ADGRV1: variants seen among roughly 807,000 people sequenced by gnomAD.
ADGRV1 encodes the protein G-protein coupled receptor 98.
In ADGRV1, 359 loss-of-function variants were observed where a neutral mutation model predicts 596.2. The ratio of observed to expected loss-of-function variants is 0.60; its 90% CI spans 0.55 to 0.66. The LOEUF (loss-of-function observed/expected upper bound fraction) is 0.66. Ranked by LOEUF, ADGRV1 falls within the 30% of genes least tolerant of loss-of-function variation. The pLI is 0.00. For synonymous variants in ADGRV1, 2,681 were observed against 2,679.2 expected, an observed-to-expected ratio of 1.00 and a Z score of -0.02; for missense variants, 7,274 against 7,575.6, an observed-to-expected ratio of 0.96 and a Z score of 1.48.
At chr5:90,663,644 T>C (rs987436724) in intron 21 of ADGRV1, among the ~76,000 whole-genome samples, 6 of 152,240 alleles carry the variant, frequency 3.9e-5, no homozygotes, top group African/African-American at 9.6e-5. Flanking sequence ...ATTTTGTCTT[T>C]TGTTGCCATT....
intron 10 of ADGRV1, among the ~76,000 whole-genome samples, chr5:90,637,345 A>T: frequency 6.6e-6 from 1 of 151,966 alleles, no homozygotes; most frequent in East Asian, 1.9e-4. Flanking sequence ...TTATATTGTG[A>T]TAGTAAGTTC....
At chr5:90,721,143 T>C in intron 45 of ADGRV1, 84 bp downstream of exon 45, 7 of 1,170,622 alleles carry the variant, frequency 6.0e-6, no homozygotes, top group Non-Finnish European at 7.2e-6. Context: ...CTTTGAATTG[T>C]ATGTTATTGA....
intron 83 of ADGRV1, among the ~76,000 whole-genome samples, chr5:90,960,078 G>C (rs1312613310): frequency 6.6e-6 from 1 of 150,766 alleles, no homozygotes; most frequent in Admixed American, 6.6e-5. Flanking sequence ...GGTGGAGCTT[G>C]CAGTGAGCCG....
intron 83 of ADGRV1, among the ~76,000 whole-genome samples, chr5:90,895,999 C>G (rs988325411): frequency 1.3e-5 from 2 of 151,276 alleles, no homozygotes; most frequent in Non-Finnish European, 2.9e-5. Context: ...AATGGGGGTG[C>G]AGATAAGTGC....
At chr5:90,765,402 A>T (rs1277217894) in intron 59 of ADGRV1, among the ~76,000 whole-genome samples, 2 of 151,176 alleles carry the variant, frequency 1.3e-5, no homozygotes, top group Non-Finnish European at 2.9e-5. Flanking sequence ...GGAAATCCAT[A>T]TGCATGATGG....
At chr5:90,595,639 G>A (rs1445538247) in intron 1 of ADGRV1, among the ~76,000 whole-genome samples, 1 of 127,582 alleles carries the variant, frequency 7.8e-6, no homozygotes, top group Non-Finnish European at 1.7e-5. Context: ...CCTCCCGGAC[G>A]GGGCGGCTGG....
At position 90,628,775 on chromosome 5, in the gene ADGRV1, A is replaced by G; in HGVS notation, c.1452A>G (p.Leu484=). ...DDLPEEAEAY[L]LQILPHTIRG... is the part of the protein sequence containing the mutation. ...TTCCAGAAGAGGCAGAAGCTTATCT[A>G]CTTCAAATTCTGCCTCATACAATAC... The change falls in exon 8 of 90, where the codon CTA becomes CTG. Residue 484 remains leucine (L), a synonymous_variant. Transcript: ENST00000405460. The G allele has an allele frequency of 1.2e-6, 2 of 1,613,998 alleles. No individual in the cohort carries two copies. Among genetic ancestry groups the G allele is most frequent in the Non-Finnish European group, 1.7e-6 (2 of 1,179,864 alleles).
At chr5:90,802,098 TC>T (rs1761437736) in intron 70 of ADGRV1, among the ~76,000 whole-genome samples, 1 of 152,242 alleles carries the variant, frequency 6.6e-6, no homozygotes, top group Admixed American at 6.5e-5. Flanking sequence ...CCTTCCGTTT[TC>T]TTGATACTTG....
intron 43 of ADGRV1, among the ~76,000 whole-genome samples, chr5:90,718,760 T>C (rs528146251): frequency 6.6e-6 from 1 of 152,132 alleles, no homozygotes; most frequent in Non-Finnish European, 1.5e-5. Context: ...TTCATGTTTT[T>C]TCATCTTTAA....
At chr5:91,083,409 T>A (rs1789589038) in intron 86 of ADGRV1, among the ~76,000 whole-genome samples, 2 of 152,062 alleles carry the variant, frequency 1.3e-5, no homozygotes, top group African/African-American at 4.8e-5. Context: ...AGAAAAAAAA[T>A]TAATGGTTAG....
intron 83 of ADGRV1, among the ~76,000 whole-genome samples, chr5:90,945,783 T>A (rs189549867): frequency 6.6e-6 from 1 of 152,118 alleles, no homozygotes; most frequent in East Asian, 1.9e-4. Context: ...CCCAGGAGAT[T>A]GAGAAGAGCA....
chr5:90,643,715 T>C, intron 13 of ADGRV1, 88 bp from the exon 14 acceptor site: 1 of 972,648 alleles, frequency 1.0e-6, no homozygotes, highest in Admixed American at 2.7e-5. Context: ...AAACTTTGAG[T>C]ATATTAATAT....
Position 90,810,992 on chromosome 5 carries a change from T to C in ADGRV1, c.15732T>C (p.Leu5244=). ...KNGTFNTAEV[L]IRRTGGFTGN... ...GCACATTCAACACTGCAGAAGTTCT[T>C]ATCCGAAGAACTGGTGGGTTTACTG... The change falls in exon 74 of 90, where the codon CTT becomes CTC. Residue 5244 remains leucine (L), a synonymous_variant. Coordinates refer to ENST00000405460, the MANE Select transcript of ADGRV1 (RefSeq NM_032119.4). 2 of 1,614,016 alleles carry C rather than the reference T, an allele frequency of 1.2e-6. No homozygotes were observed. Among genetic ancestry groups the C allele is most frequent in the South Asian group, 2.2e-5 (2 of 91,084 alleles).
At chr5:91,080,606 A>G (rs912398249) in intron 86 of ADGRV1, among the ~76,000 whole-genome samples, 2 of 151,506 alleles carry the variant, frequency 1.3e-5, no homozygotes, top group African/African-American at 4.8e-5. Flanking sequence ...AAAAAAAAAA[A>G]AAAAACTTGA....
intron 53 of ADGRV1, among the ~76,000 whole-genome samples, chr5:90,751,858 A>G (rs1035523417): frequency 6.6e-6 from 1 of 152,214 alleles, no homozygotes; most frequent in Non-Finnish European, 1.5e-5. Flanking sequence ...ACTTTAGGTA[A>G]GCTACCAGAA....
chr5:90,965,275 A>G, intron 83 of ADGRV1, 140 bp from the exon 84 acceptor site: 1 of 616,176 alleles, frequency 1.6e-6, no homozygotes, highest in Non-Finnish European at 2.9e-6. Flanking sequence ...ACTCTTAGTC[A>G]TATCAGTTTG....
intron 1 of ADGRV1, among the ~76,000 whole-genome samples, chr5:90,593,254 T>C (rs1023099586): frequency 2.0e-5 from 3 of 152,050 alleles, no homozygotes; most frequent in Non-Finnish European, 4.4e-5. Context: ...ATATACGCCA[T>C]GGAATATTAT....
chr5:90,742,114 G>A (rs1224838616), intron 50 of ADGRV1, among the ~76,000 whole-genome samples: 1 of 152,276 alleles, frequency 6.6e-6, no homozygotes. Context: ...GGGGAAACAA[G>A]GGTAAGCAAA....
chr5:90,617,889 T>C lies in ADGRV1; in HGVS notation c.293T>C (p.Ile98Thr). The change falls in exon 3 of 90, where the codon ATA (isoleucine) becomes ACA (threonine). Residue 98 changes from isoleucine (I) to threonine (T), a missense_variant. Around this residue, in one of 5 missense-constraint regions of ADGRV1, gnomAD observed 1,715 missense variants for 1,708.8 expected, o/e 1.00. Transcript: ENST00000405460. ...GGAGAAACAAACAGAACAGTGTACA[T>C]AGCAGTATGTGATGATGACTTACCA... Reference protein sequence around the residue: ...PAGETNRTVYIAVCDDDLPEP... With the variant: ...PAGETNRTVYTAVCDDDLPEP... 6.3e-7 allele frequency: 1 copy of C among 1,597,148 alleles called. No homozygotes were observed.
Sources: gnomAD v4.1 joint callset for allele counts (sites outside exome capture counted in the v4.1 genomes callset) on GRCh38, gnomAD v4.1.1 for gene constraint, gnomAD v4.1.1 regional missense constraint, MANE v1.5 for transcripts, NCBI Gene and HGNC (gene_info 2026-07-23, HGNC 2026-07-21) for gene names.